Variants in TERB1 observed in about 807,000 individuals in gnomAD.
TERB1 encodes telomere repeats-binding bouquet formation protein 1.
A neutral mutation model predicts 92.3 loss-of-function variants in TERB1; 63 were observed. The observed-to-expected ratio is 0.68, with a 90% CI of 0.56 to 0.84. The LOEUF (loss-of-function observed/expected upper bound fraction) is 0.84. Among genes scored for constraint, TERB1 ranks in the 40% least tolerant of loss-of-function variants. TERB1 has a pLI of 0.00. For missense variants in TERB1, 709 were observed against 843.7 expected (o/e 0.84, Z 1.98); for synonymous variants, 252 against 283.9 (o/e 0.89, Z 1.13).
chr16:66,796,099 T>C (rs1464573324), intron 3 of TERB1, among the ~76,000 whole-genome samples: 1 of 152,220 alleles, frequency 6.6e-6, no homozygotes, highest in Non-Finnish European at 1.5e-5. Context: ...TCATACTGTG[T>C]GTCTTCAGAT....
At chr16:66,783,493 C>A (rs896157284) in intron 9 of TERB1, among the ~76,000 whole-genome samples, 2 of 152,148 alleles carry the variant, frequency 1.3e-5, no homozygotes, top group Admixed American at 1.3e-4. Context: ...AGGATTTTTA[C>A]ATCTATGTTC....
Position 66,768,148 on chromosome 16 carries a change from G to C in TERB1, c.1640C>G (p.Pro547Arg). The C allele has an allele frequency of 6.5e-7, 1 of 1,550,134 alleles. No homozygotes were observed. Among genetic ancestry groups the C allele is most frequent in the Non-Finnish European group, 8.7e-7 (1 of 1,145,726 alleles). ...SQSSDHVFKHPVHIAKNIKQQ... is the reference protein window; with the variant it reads ...SQSSDHVFKHRVHIAKNIKQQ... ...CTTTATATTTTTGGCAATGTGAACT[G>C]GGTGTTTAAAAACATGGTCACTAAA... is the stretch of plus-strand genomic sequence containing the variant. The change falls in exon 15 of 19, where the codon CCA (proline) becomes CGA (arginine). Residue 547 changes from proline to arginine, a missense_variant. Physicochemically the swap from Pro to Arg is moderately radical, Grantham distance 103. Coordinates refer to ENST00000433154, the MANE Select transcript of TERB1 (RefSeq NM_001136505.2).
chr16:66,782,413 G>T (rs1394700129), intron 9 of TERB1, among the ~76,000 whole-genome samples: 1 of 152,068 alleles, frequency 6.6e-6, no homozygotes, highest in African/African-American at 2.4e-5. Context: ...AGCCAGGCTT[G>T]GTGGCGGGCA....
chr16:66,801,469 G>C lies in TERB1; in HGVS notation c.-111C>G, dbSNP rs1959298579. On this transcript the variant is annotated splice_region_variant and 5_prime_UTR_variant, in exon 1 of 19. Transcript: ENST00000433154. ...CGCCTTACACAGGCGCCAACATACA[G>C]AGTTTCCAAGCGCGGTAAGGCAGGA... The C allele has an allele frequency of 6.6e-6, 1 of 152,242 alleles. No homozygotes were observed. Among genetic ancestry groups the C allele is most frequent in the Non-Finnish European group, 1.5e-5 (1 of 68,082 alleles). The allele number at this position is 152,242 out of a possible 1,614,324, so 9.4% of individuals were successfully genotyped here. A position where few individuals can be genotyped will look rare whatever the true frequency, so the allele number is the denominator to read the frequency against.
intron 14 of TERB1, 91 bp downstream of exon 14, chr16:66,769,872 A>G (rs1444615733): frequency 2.3e-6 from 2 of 884,896 alleles, no homozygotes; most frequent in Non-Finnish European, 3.4e-6. Flanking sequence ...TGTCACTTCT[A>G]CATGCCCAAT....
chr16:66,781,411 G>A (rs2018634001), intron 9 of TERB1, among the ~76,000 whole-genome samples: 1 of 151,570 alleles, frequency 6.6e-6, no homozygotes, highest in African/African-American at 2.4e-5. Flanking sequence ...CTTTGGCGAA[G>A]TATCTGTTCA....
chr16:66,801,969 C>T (rs949856959), upstream of TERB1, among the ~76,000 whole-genome samples: 2 of 152,182 alleles, frequency 1.3e-5, no homozygotes, highest in Admixed American at 6.5e-5. Flanking sequence ...TCACCACAGC[C>T]CCACAGGGGC....
intron 11 of TERB1, 81 bp downstream of exon 11, chr16:66,777,122 A>G (rs1306122736): frequency 7.5e-7 from 1 of 1,341,072 alleles, no homozygotes; most frequent in African/African-American, 1.7e-5. Flanking sequence ...AGACCTTCAC[A>G]TAACTGGAAG....
In TERB1 at chr16:66,754,881, T is replaced by A. The variant is rs1191481837; in HGVS notation, c.*95A>T. Reference sequence around the variant, plus strand: ...GAAAACTGTATCCTCATTTCCACATTCCTTCTCATGAGAGTTTAGAAAAAT... The same window carrying A: ...GAAAACTGTATCCTCATTTCCACATACCTTCTCATGAGAGTTTAGAAAAAT... On this transcript the variant is annotated 3_prime_UTR_variant, in exon 19 of 19. Transcript: ENST00000433154. 16 of 1,130,764 alleles carry A rather than the reference T, an allele frequency of 1.4e-5. No individual in the cohort carries two copies. The highest frequency in any genetic ancestry group is 1.3e-6 in the Non-Finnish European group (1 of 793,804). The allele number at this position is 1,130,764 out of a possible 1,614,324, so 70.0% of individuals were successfully genotyped here. A position where few individuals can be genotyped will look rare whatever the true frequency, so the allele number is the denominator to read the frequency against.
intron 16 of TERB1, among the ~76,000 whole-genome samples, chr16:66,766,678 CAGTA>C (rs2018351492): frequency 6.6e-6 from 1 of 152,114 alleles, no homozygotes; most frequent in South Asian, 2.1e-4. Flanking sequence ...TTATTTTACT[CAGTA>C]AGGTTAAATT....
intron 3 of TERB1, among the ~76,000 whole-genome samples, chr16:66,796,403 T>C (rs181193815): frequency 1.4e-3 from 219 of 152,352 alleles, no homozygotes; most frequent in South Asian, 1.2e-3. Context: ...GTGTATATTA[T>C]TGAACACTTT....
At chr16:66,798,180 G>GTA (rs1458596578) in intron 2 of TERB1, among the ~76,000 whole-genome samples, 9 of 116,680 alleles carry the variant, frequency 7.7e-5, no homozygotes, top group African/African-American at 3.3e-4. Flanking sequence ...TATTATTTTT[G>GTA]CCTTTTTTTT....
chr16:66,790,004 C>T (rs912792894), intron 5 of TERB1, among the ~76,000 whole-genome samples: 28 of 152,046 alleles, frequency 1.8e-4, no homozygotes, highest in Admixed American at 5.2e-4. Flanking sequence ...AGCCACCACG[C>T]CTGGCTGATG....
chr16:66,768,186 C>A lies in TERB1; in HGVS notation c.1620-18G>T. 2 of 1,510,276 alleles carry A rather than the reference C, an allele frequency of 1.3e-6. No individual in the cohort carries two copies. The highest frequency in any genetic ancestry group is 1.8e-6 in the Non-Finnish European group (2 of 1,110,114). 93.6% of individuals were successfully genotyped at this position (1,510,276 alleles called of 1,614,324 possible). A position where few individuals can be genotyped will look rare whatever the true frequency, so the allele number is the denominator to read the frequency against. The stretch of plus-strand genomic sequence containing the variant: ...CATGGTCACTAAAAGAAAATAGACA[C>A]CAGATTACTAAAAGTAAACATACTG... On this transcript the variant is annotated intron_variant, in intron 14 of 18. Coordinates refer to ENST00000433154, the MANE Select transcript of TERB1 (RefSeq NM_001136505.2).
At chr16:66,764,261 G>A (rs1983224) in intron 16 of TERB1, among the ~76,000 whole-genome samples, 76,812 of 151,950 alleles carry the variant, frequency 0.51, 20,297 homozygotes, top group African/African-American at 0.64. Flanking sequence ...GGGAGAATGG[G>A]GAGATTTCTG....
intron 16 of TERB1, among the ~76,000 whole-genome samples, chr16:66,763,632 C>CT (rs1240765748): frequency 6.6e-6 from 1 of 152,142 alleles, no homozygotes; most frequent in Non-Finnish European, 1.5e-5. Context: ...AAAACTCCCT[C>CT]TTTTTTTAAA....
chr16:66,799,909 C>T (rs1236659768), intron 2 of TERB1: 1 of 152,238 alleles, frequency 6.6e-6, no homozygotes. Flanking sequence ...TGTATTCTCA[C>T]AGGAAAAAAG....
At chr16:66,771,138 T>C (rs1457909625) in intron 13 of TERB1, among the ~76,000 whole-genome samples, 1 of 152,058 alleles carries the variant, frequency 6.6e-6, no homozygotes, top group Non-Finnish European at 1.5e-5. Context: ...AACGATAGCA[T>C]GGAAAAGCAG....
chr16:66,772,873 A>T, intron 12 of TERB1, 124 bp from the exon 13 acceptor site: 1 of 698,000 alleles, frequency 1.4e-6, no homozygotes, highest in Non-Finnish European at 2.3e-6. Flanking sequence ...TAACAGCTTA[A>T]TTGGTACTGA....
Sources: gnomAD v4.1 joint callset for allele counts (sites outside exome capture counted in the v4.1 genomes callset) on GRCh38, gnomAD v4.1.1 for gene constraint, MANE v1.5 for transcripts, NCBI Gene and HGNC (gene_info 2026-07-23, HGNC 2026-07-21) for gene names.